The following PSMD1 variants were observed in gnomAD, a reference collection of about 807,000 sequenced individuals.
PSMD1 encodes proteasome 26S subunit, non-ATPase 1, also known as 26S proteasome non-ATPase regulatory subunit 1.
Under a neutral mutation model 119.0 loss-of-function variants are expected in PSMD1, and 18 were observed. That is an observed-to-expected ratio of 0.15 (90% CI 0.10 to 0.22). PSMD1 has a LOEUF of 0.22. Among genes scored for constraint, PSMD1 ranks in the 10% least tolerant of loss-of-function variants. The pLI is 1.00. For missense variants in PSMD1, 702 were observed against 1,158.5 expected, an observed-to-expected ratio of 0.61 and a Z score of 5.72; for synonymous variants, 374 against 396.6, an observed-to-expected ratio of 0.94 and a Z score of 0.68.
chr2:231,109,405 A>G, intron 16 of PSMD1: 1 of 1,613,738 alleles, frequency 6.2e-7, no homozygotes, highest in Non-Finnish European at 8.5e-7. Flanking sequence ...CTGGAATGGC[A>G]ATGCCTAAGG....
At chr2:231,068,480 A>G (rs1029841908) in intron 5 of PSMD1, among the ~76,000 whole-genome samples, 4 of 151,922 alleles carry the variant, frequency 2.6e-5, no homozygotes, top group East Asian at 1.9e-4. Context: ...CATTGTCCCC[A>G]TTCATCCATG....
At chr2:231,074,021 A>G (rs1011051000) in intron 7 of PSMD1, among the ~76,000 whole-genome samples, 1 of 151,670 alleles carries the variant, frequency 6.6e-6, no homozygotes, top group Admixed American at 6.6e-5. Flanking sequence ...TTTTTTCTAT[A>G]TTGGCTAGAA....
chr2:231,113,925 A>C (rs1478512430), intron 16 of PSMD1: 2 of 1,613,578 alleles, frequency 1.2e-6, no homozygotes, highest in African/African-American at 2.7e-5. Flanking sequence ...GGGGCCACAT[A>C]GCCTCTGAAA....
At chr2:231,087,019 A>G in intron 15 of PSMD1, 98 bp from the exon 16 acceptor site, 1 of 857,274 alleles carries the variant, frequency 1.2e-6, no homozygotes, top group African/African-American at 1.7e-5. Flanking sequence ...ATCAGTAGTG[A>G]GGTATACACT....
At chr2:231,157,578 C>A (rs985644916) in intron 19 of PSMD1, among the ~76,000 whole-genome samples, 4 of 143,800 alleles carry the variant, frequency 2.8e-5, no homozygotes, top group African/African-American at 1.0e-4. Flanking sequence ...CATAAAAGTT[C>A]TTTTTTTTGG....
At position 231,121,725 on chromosome 2, in the gene PSMD1, A is replaced by G. The variant is rs550670003; in HGVS notation, c.1884-17011A>G. 4.6e-5 allele frequency among the ~76,000 whole-genome samples: 7 copies of G among 152,302 alleles called. No homozygotes were observed. The South Asian group carries it at 1.0e-3, about 23-fold the overall frequency. On this transcript the variant is annotated intron_variant, in intron 16 of 24. Coordinates refer to ENST00000308696, the MANE Select transcript of PSMD1 (RefSeq NM_002807.4). Reference sequence around the variant, plus strand: ...TATTTAGCTGATAATTTAAGTATCTACCATGGTACTTTGCATATAATAGAT... The same window carrying G: ...TATTTAGCTGATAATTTAAGTATCTGCCATGGTACTTTGCATATAATAGAT...
rs116488329 is a variant in PSMD1, at chr2:231,139,112, T to G, written c.1998+262T>G. 171 of 480,190 alleles carry G rather than the reference T, an allele frequency of 3.6e-4. 2 individuals are homozygous for G. Among genetic ancestry groups the G allele is most frequent in the Admixed American group, 1.2e-3 (37 of 30,246 alleles). The allele number at this position is 480,190 out of a possible 1,614,324, so 29.7% of individuals were successfully genotyped here. A position where few individuals can be genotyped will look rare whatever the true frequency, so the allele number is the denominator to read the frequency against. On this transcript the variant is annotated intron_variant, in intron 17 of 24. Coordinates refer to ENST00000308696, the MANE Select transcript of PSMD1 (RefSeq NM_002807.4). The stretch of plus-strand genomic sequence containing the variant: ...CTTTTTGAAATCATTGATTTCTGGG[T>G]TTTTTGTTTTTGTTTTTTTTGTTTG...
intron 16 of PSMD1, among the ~76,000 whole-genome samples, chr2:231,107,024 A>T (rs923928748): frequency 6.6e-6 from 1 of 152,184 alleles, no homozygotes; most frequent in Non-Finnish European, 1.5e-5. Context: ...TTTTTAAGGA[A>T]TGTAAATTAT....
chr2:231,139,966 C>T (rs558847833), intron 17 of PSMD1, among the ~76,000 whole-genome samples: 1 of 152,324 alleles, frequency 6.6e-6, no homozygotes, highest in South Asian at 2.1e-4. Flanking sequence ...CTTTGACTCT[C>T]ATAGCACATA....
chr2:231,086,279 A>G (rs907377291), intron 15 of PSMD1, among the ~76,000 whole-genome samples: 6 of 152,182 alleles, frequency 3.9e-5, no homozygotes, highest in Non-Finnish European at 5.9e-5. Flanking sequence ...CCTGGGCTCA[A>G]GCAATCCTCC....
At chr2:231,157,766 C>T (rs1338511478) in intron 19 of PSMD1, among the ~76,000 whole-genome samples, 2 of 151,788 alleles carry the variant, frequency 1.3e-5, no homozygotes, top group Admixed American at 6.6e-5. Context: ...TAGGTTTCAC[C>T]GTGTTGCCTA....
At chr2:231,165,426 C>T in intron 22 of PSMD1, 140 bp downstream of exon 22, 2 of 1,118,398 alleles carry the variant, frequency 1.8e-6, no homozygotes, top group Non-Finnish European at 2.4e-6. Flanking sequence ...GTAGAATCAT[C>T]AAACTGTACT....
chr2:231,060,985 T>A (rs1217500202), intron 1 of PSMD1, among the ~76,000 whole-genome samples: 1 of 152,222 alleles, frequency 6.6e-6, no homozygotes, highest in Non-Finnish European at 1.5e-5. Flanking sequence ...TGTGTATTTC[T>A]AACAGGTTCC....
chr2:231,106,999 A>G (rs891786560), intron 16 of PSMD1, among the ~76,000 whole-genome samples: 1 of 152,196 alleles, frequency 6.6e-6, no homozygotes, highest in African/African-American at 2.4e-5. Context: ...AAAAACCAAA[A>G]TAGAGAATGA....
intron 4 of PSMD1, among the ~76,000 whole-genome samples, chr2:231,063,540 C>T (rs1180236975): frequency 6.6e-6 from 1 of 152,150 alleles, no homozygotes; most frequent in Non-Finnish European, 1.5e-5. Context: ...TTGGTATTCT[C>T]TTTTAGAAAT....
chr2:231,084,223 A>G (rs1052026374), intron 14 of PSMD1, among the ~76,000 whole-genome samples: 4 of 152,050 alleles, frequency 2.6e-5, no homozygotes, highest in African/African-American at 9.7e-5. Flanking sequence ...TTGGTGGCGG[A>G]CACCTGTAAT....
At chr2:231,121,831 G>A (rs374378478) in intron 16 of PSMD1, among the ~76,000 whole-genome samples, 19 of 152,152 alleles carry the variant, frequency 1.2e-4, no homozygotes, top group South Asian at 1.2e-3. Flanking sequence ...ATTGAATGAC[G>A]TATTAAATTT....
intron 8 of PSMD1, among the ~76,000 whole-genome samples, chr2:231,075,782 T>C (rs1227852249): frequency 6.6e-6 from 1 of 152,156 alleles, no homozygotes; most frequent in African/African-American, 2.4e-5. Flanking sequence ...CAGGGTTCGC[T>C]GTGTTGCCCA....
intron 18 of PSMD1, among the ~76,000 whole-genome samples, chr2:231,147,549 G>A (rs762955148): frequency 4.6e-5 from 7 of 152,194 alleles, no homozygotes; most frequent in Admixed American, 3.3e-4. Context: ...CAGGTTGTTA[G>A]TGTTTGATAT....
Sources: gnomAD v4.1 joint callset for allele counts (sites outside exome capture counted in the v4.1 genomes callset) on GRCh38, gnomAD v4.1.1 for gene constraint, MANE v1.5 for transcripts, NCBI Gene and HGNC (gene_info 2026-07-23, HGNC 2026-07-21) for gene names.